Variants in PHETA1 observed in about 807,000 individuals in gnomAD.
PHETA1 encodes the protein sesquipedalian-1.
For missense variants in PHETA1, 348 were observed against 373.5 expected (o/e 0.93, Z 0.56); for synonymous variants, 155 against 168.9 (o/e 0.92, Z 0.64).
In PHETA1 at chr12:111,367,984, C is replaced by T. The variant is rs1271429850; in HGVS notation, c.-182+928G>A. ...GACAAGTCGTTTCACCTTTCCAAGTCTCAGTGTCCTCATCTGTTAAATTGG... is the reference window on the plus strand; with the variant it reads ...GACAAGTCGTTTCACCTTTCCAAGTTTCAGTGTCCTCATCTGTTAAATTGG... On this transcript the variant is annotated intron_variant, in intron 1 of 2. Transcript: ENST00000683047. The surrounding 1 kb of genome is among the most constrained non-coding windows in gnomAD (Gnocchi z 4.0). Among the ~76,000 whole-genome samples, 1 of 152,250 alleles carries T rather than the reference C, an allele frequency of 6.6e-6. No homozygotes were observed. The highest frequency in any genetic ancestry group is 1.9e-4 in the East Asian group (1 of 5,206).
In PHETA1 at chr12:111,362,908, G is replaced by C; in HGVS notation, c.520C>G (p.Leu174Val). The change falls in exon 3 of 3, where the codon CTG (leucine) becomes GTG (valine). Residue 174 changes from leucine to valine, a missense_variant. Physicochemically the swap from Leu to Val is conservative, Grantham distance 32. Transcript: ENST00000683047. ...SAPAPVPALP[L>V]PRRPSALPPK... ...GGGAGGGCACTGGGCCGGCGGGGCA[G>C]GGGCAGGGCTGGGACCGGGGCTGGG... 6.6e-7 allele frequency: 1 copy of C among 1,511,412 alleles called. No homozygotes were observed. Among genetic ancestry groups the C allele is most frequent in the Non-Finnish European group, 8.8e-7 (1 of 1,134,750 alleles). 93.6% of individuals were successfully genotyped at this position (1,511,412 alleles called of 1,614,324 possible). A position where few individuals can be genotyped will look rare whatever the true frequency, so the allele number is the denominator to read the frequency against.
At position 111,363,873 on chromosome 12, in the gene PHETA1, C is replaced by G. The variant is rs1213363072; in HGVS notation, c.-36-410G>C. The G allele has an allele frequency of 3.1e-6, 2 of 652,292 alleles. No homozygotes were observed. The highest frequency in any genetic ancestry group is 3.8e-5 in the African/African-American group (2 of 52,554). 40.4% of individuals were successfully genotyped at this position (652,292 alleles called of 1,614,324 possible). A position where few individuals can be genotyped will look rare whatever the true frequency, so the allele number is the denominator to read the frequency against. Reference sequence around the variant, plus strand: ...CCCTGGTGTCACAAAGCAGGTTGGGCAGGGCTGAAATCCAAACCCAGGCCT... The same window carrying G: ...CCCTGGTGTCACAAAGCAGGTTGGGGAGGGCTGAAATCCAAACCCAGGCCT... On this transcript the variant is annotated intron_variant, in intron 2 of 2. Transcript: ENST00000683047. This position sits in a 1 kb window ranked among gnomAD's most constrained non-coding sequence, Gnocchi z 7.4.
chr12:111,363,101 C>T lies in PHETA1; in HGVS notation c.327G>A (p.Ser109=), dbSNP rs746302169. The part of the protein sequence containing the change: ...DAMEGWVKAL[S]RASFDYLRLV... ...GCCGCAGGTAGTCGAAGCTGGCACGCGACAGGGCCTTGACCCAGCCCTCCA... is the reference window on the plus strand; with the variant it reads ...GCCGCAGGTAGTCGAAGCTGGCACGTGACAGGGCCTTGACCCAGCCCTCCA... The change falls in exon 3 of 3, where the codon TCG becomes TCA. Residue 109 remains serine (S), a synonymous_variant. Coordinates refer to ENST00000683047, the MANE Select transcript of PHETA1 (RefSeq NM_144671.6). This position sits in a 1 kb window ranked among gnomAD's most constrained non-coding sequence, Gnocchi z 7.4. The T allele has an allele frequency of 1.8e-5, 28 of 1,599,452 alleles. No individual in the cohort carries two copies. The highest frequency in any genetic ancestry group is 1.2e-4 in the South Asian group (11 of 90,436).
In PHETA1 at chr12:111,363,500, C is replaced by G; in HGVS notation, c.-36-37G>C. ...AGAAGGGCTGTTATGCACAAGGCCA[C>G]TGACGCTAGGTCACCCAGTGCCCCA... On this transcript the variant is annotated intron_variant, in intron 2 of 2. Transcript: ENST00000683047. This position sits in a 1 kb window ranked among gnomAD's most constrained non-coding sequence, Gnocchi z 7.4. The G allele has an allele frequency of 6.4e-7, 1 of 1,561,742 alleles. No homozygotes were observed. The highest frequency in any genetic ancestry group is 1.2e-5 in the South Asian group (1 of 84,702).
chr12:111,366,944 T>C (rs1463133565), intron 1 of PHETA1, among the ~76,000 whole-genome samples: 2 of 150,776 alleles, frequency 1.3e-5, no homozygotes, highest in East Asian at 3.9e-4. Context: ...GATACAAGCC[T>C]CTAGTCCTAG....
At position 111,363,765 on chromosome 12, in the gene PHETA1, C is replaced by T. The variant is rs1407681265; in HGVS notation, c.-36-302G>A. ...TCAGAGGAATGAACTCACTTTATCT[C>T]ACAATAGACCTTAGGTCACAGGGAC... On this transcript the variant is annotated intron_variant, in intron 2 of 2. Transcript: ENST00000683047. The surrounding 1 kb of genome is among the most constrained non-coding windows in gnomAD (Gnocchi z 7.4). The T allele has an allele frequency of 1.3e-4, 192 of 1,431,642 alleles. No individual in the cohort carries two copies. The highest frequency in any genetic ancestry group is 1.7e-4 in the Non-Finnish European group (187 of 1,080,154). The allele number at this position is 1,431,642 out of a possible 1,614,324, so 88.7% of individuals were successfully genotyped here. A position where few individuals can be genotyped will look rare whatever the true frequency, so the allele number is the denominator to read the frequency against.
At chr12:111,364,718 T>C (rs1868919833) in intron 2 of PHETA1, among the ~76,000 whole-genome samples, 1 of 149,860 alleles carries the variant, frequency 6.7e-6, no homozygotes, top group African/African-American at 2.5e-5. Context: ...GAGCCAAGAC[T>C]GCGCCATTGC....
Position 111,362,943 on chromosome 12 carries a change from A to G in PHETA1, c.485T>C (p.Leu162Pro). ...LPSALAPVPSLPSAPAPVPAL... is the reference protein window; with the variant it reads ...LPSALAPVPSPPSAPAPVPAL... ...TGGGACCGGGGCTGGGGCAGAAGGCAGGGATGGGACTGGGGCCAGGGCAGA... is the reference window on the plus strand; with the variant it reads ...TGGGACCGGGGCTGGGGCAGAAGGCGGGGATGGGACTGGGGCCAGGGCAGA... Residue 162 changes from leucine (L) to proline (P), a missense_variant, in exon 3 of 3, where the codon CTG becomes CCG. Leu to Pro is a moderately conservative substitution (Grantham distance 98). Transcript: ENST00000683047. 3.0e-6 allele frequency: 4 copies of G among 1,344,648 alleles called. No individual in the cohort carries two copies. The highest frequency in any genetic ancestry group is 3.9e-6 in the Non-Finnish European group (4 of 1,036,660). The allele number at this position is 1,344,648 out of a possible 1,614,324, so 83.3% of individuals were successfully genotyped here. A position where few individuals can be genotyped will look rare whatever the true frequency, so the allele number is the denominator to read the frequency against.
chr12:111,364,179 C>G (rs566961132), intron 2 of PHETA1, among the ~76,000 whole-genome samples: 2 of 152,230 alleles, frequency 1.3e-5, no homozygotes, highest in Admixed American at 1.3e-4. Context: ...AACCCCTTCT[C>G]TACTAAAAAT....
rs2135500531 is a variant in PHETA1, at chr12:111,361,183, A to C, written c.*1495T>G. On this transcript the variant is annotated 3_prime_UTR_variant, in exon 3 of 3. Coordinates refer to ENST00000683047, the MANE Select transcript of PHETA1 (RefSeq NM_144671.6). Reference sequence around the variant, plus strand: ...GAGCAAGTCCAGAGTCACAGACCGTATCCCCTCCCACCAGCAAACAGGAAA... The same window carrying C: ...GAGCAAGTCCAGAGTCACAGACCGTCTCCCCTCCCACCAGCAAACAGGAAA... 6.6e-6 allele frequency: 1 copy of C among 152,266 alleles called. No homozygotes were observed. Among genetic ancestry groups the C allele is most frequent in the African/African-American group, 2.4e-5 (1 of 41,564 alleles). The allele number at this position is 152,266 out of a possible 1,614,324, so 9.4% of individuals were successfully genotyped here.
At chr12:111,365,114 TGTC>T (rs1472710833) in intron 2 of PHETA1, among the ~76,000 whole-genome samples, 1 of 152,100 alleles carries the variant, frequency 6.6e-6, no homozygotes, top group African/African-American at 2.4e-5. Flanking sequence ...AGGAAGGACT[TGTC>T]GGGAGGTGGC....
At chr12:111,365,470 G>C (rs1868972004) in intron 2 of PHETA1, 1 of 456,064 alleles carries the variant, frequency 2.2e-6, no homozygotes, top group East Asian at 7.0e-5. Context: ...CTTCCTAGAA[G>C]ACGGAACATG....
intron 2 of PHETA1, among the ~76,000 whole-genome samples, chr12:111,365,256 T>C (rs1397048052): frequency 2.0e-5 from 3 of 152,150 alleles, no homozygotes; most frequent in African/African-American, 7.2e-5. Context: ...AAGCAAAGGA[T>C]ATAAAGTCCT....
In PHETA1 at chr12:111,363,822, CAG is replaced by C. The variant is rs1868856908; in HGVS notation, c.-36-361_-36-360del. The C allele has an allele frequency of 1.8e-6, 2 of 1,120,526 alleles. No individual in the cohort carries two copies. The highest frequency in any genetic ancestry group is 2.4e-6 in the Non-Finnish European group (2 of 846,494). The allele number at this position is 1,120,526 out of a possible 1,614,324, so 69.4% of individuals were successfully genotyped here. A position where few individuals can be genotyped will look rare whatever the true frequency, so the allele number is the denominator to read the frequency against. On this transcript the variant is annotated intron_variant, in intron 2 of 2. Coordinates refer to ENST00000683047, the MANE Select transcript of PHETA1 (RefSeq NM_144671.6). This position sits in a 1 kb window ranked among gnomAD's most constrained non-coding sequence, Gnocchi z 7.4. ...GGCACCAGTGCAACAGATGAGGAAA[CAG>C]AGGCACAGAGAGGTTAACTGCTTCC...
rs1484960892 is a variant in PHETA1 at position 111,363,235 on chromosome 12, C to G, written c.193G>C (p.Gly65Arg). Residue 65 changes from glycine to arginine, a missense_variant, in exon 3 of 3, where the codon GGC (glycine) becomes CGC (arginine). By Grantham distance (125) the Gly-to-Arg change is moderately radical (BLOSUM62 -2). Coordinates refer to ENST00000683047, the MANE Select transcript of PHETA1 (RefSeq NM_144671.6). This position sits in a 1 kb window ranked among gnomAD's most constrained non-coding sequence, Gnocchi z 7.4. ...REPVGVIILE[G>R]CTVELVEAAE... is the part of the protein sequence containing the mutation. The stretch of plus-strand genomic sequence containing the variant: ...GCCTCCACCAGCTCCACAGTGCAGC[C>G]CTCCAGGATGATGACGCCCACGGGC... 8 of 1,613,172 alleles carry G rather than the reference C, an allele frequency of 5.0e-6. No homozygotes were observed. Among genetic ancestry groups the G allele is most frequent in the Non-Finnish European group, 5.9e-6 (7 of 1,179,934 alleles).
rs1869081572 is a variant in PHETA1, at chr12:111,367,119, C to T, written c.-181-862G>A. 2.0e-5 allele frequency among the ~76,000 whole-genome samples: 3 copies of T among 152,100 alleles called. No individual in the cohort carries two copies. Among genetic ancestry groups the T allele is most frequent in the Non-Finnish European group, 4.4e-5 (3 of 68,012 alleles). On this transcript the variant is annotated intron_variant, in intron 1 of 2. Coordinates refer to ENST00000683047, the MANE Select transcript of PHETA1 (RefSeq NM_144671.6). The surrounding 1 kb of genome is among the most constrained non-coding windows in gnomAD (Gnocchi z 4.0). The stretch of plus-strand genomic sequence containing the variant: ...CACTCAGCTCCAGCCATCCTGGCCT[C>T]CTTTCTGTTCCTCAAATACACCAGA...
At position 111,367,951 on chromosome 12, in the gene PHETA1, G is replaced by A. The variant is rs1869129842; in HGVS notation, c.-182+961C>T. 6.6e-6 allele frequency among the ~76,000 whole-genome samples: 1 copy of A among 152,386 alleles called. No individual in the cohort carries two copies. The highest frequency in any genetic ancestry group is 6.5e-5 in the Admixed American group (1 of 15,314). ...CCTGCCTCCGCAGGTCCAGGCTGGA[G>A]GACCTTGGACAAGTCGTTTCACCTT... On this transcript the variant is annotated intron_variant, in intron 1 of 2. Coordinates refer to ENST00000683047, the MANE Select transcript of PHETA1 (RefSeq NM_144671.6). This position sits in a 1 kb window ranked among gnomAD's most constrained non-coding sequence, Gnocchi z 4.0.
rs759578647 is a variant in PHETA1, at chr12:111,362,942, C to A, written c.486G>T (p.Leu162=). Residue 162 remains leucine, a synonymous_variant, in exon 3 of 3, where the codon CTG becomes CTT. Transcript: ENST00000683047. The part of the protein sequence containing the change: ...LPSALAPVPS[L]PSAPAPVPAL... ...CTGGGACCGGGGCTGGGGCAGAAGG[C>A]AGGGATGGGACTGGGGCCAGGGCAG... 4.1e-6 allele frequency: 6 copies of A among 1,477,264 alleles called. No individual in the cohort carries two copies. The highest frequency in any genetic ancestry group is 5.4e-6 in the Non-Finnish European group (6 of 1,119,240). 91.5% of individuals were successfully genotyped at this position (1,477,264 alleles called of 1,614,324 possible).
chr12:111,365,645 C>T (rs1868982058), intron 2 of PHETA1: 1 of 414,036 alleles, frequency 2.4e-6, no homozygotes, highest in African/African-American at 2.1e-5. Flanking sequence ...CCATCATCCT[C>T]AGCAAACTAA....
Sources: gnomAD v4.1 joint callset for allele counts (sites outside exome capture counted in the v4.1 genomes callset) on GRCh38, gnomAD v4.1.1 for gene constraint, Gnocchi (gnomAD v3.1) non-coding constraint, MANE v1.5 for transcripts, NCBI Gene and HGNC (gene_info 2026-07-23, HGNC 2026-07-21) for gene names.